The following PTPRN2 variants were observed in gnomAD, a reference collection of about 807,000 sequenced individuals.
PTPRN2 encodes protein tyrosine phosphatase receptor type N2, also known as receptor-type tyrosine-protein phosphatase N2.
Under a neutral mutation model 118.8 loss-of-function variants are expected in PTPRN2, and 74 were observed. The ratio of observed to expected loss-of-function variants is 0.62; its 90% CI spans 0.52 to 0.76. The LOEUF (loss-of-function observed/expected upper bound fraction) is 0.76, where lower values mean the gene tolerates loss of function less well. PTPRN2 is among the 30% of genes least tolerant of loss of function. The pLI is 0.00. For missense variants in PTPRN2, 1,481 were observed against 1,394.4 expected (o/e 1.06, Z -0.99); for synonymous variants, 641 against 608.0 (o/e 1.05, Z -0.80).
intron 3 of PTPRN2, among the ~76,000 whole-genome samples, chr7:158,258,320 C>T (rs983755663): frequency 4.6e-5 from 7 of 152,248 alleles, no homozygotes; most frequent in South Asian, 2.1e-4. Context: ...CTGCCCTGCG[C>T]GACTGGCGTG....
chr7:158,182,163 G>T (rs949070765), intron 5 of PTPRN2, among the ~76,000 whole-genome samples: 1 of 152,074 alleles, frequency 6.6e-6, no homozygotes, highest in Non-Finnish European at 1.5e-5. Flanking sequence ...TGATTTTACT[G>T]TTAACCCAAA....
chr7:158,133,643 G>T, intron 9 of PTPRN2, 34 bp downstream of exon 9: 1 of 1,524,416 alleles, frequency 6.6e-7, no homozygotes, highest in Non-Finnish European at 8.8e-7. Flanking sequence ...GCCCTCCCTC[G>T]GCACACAGGA....
At chr7:158,464,616 C>T (rs1357585966) in intron 2 of PTPRN2, among the ~76,000 whole-genome samples, 2 of 151,348 alleles carry the variant, frequency 1.3e-5, no homozygotes, top group African/African-American at 4.9e-5. Flanking sequence ...CATTGCCATG[C>T]CATTTAGTAA....
At chr7:157,756,590 G>A (rs1035285110) in intron 12 of PTPRN2, among the ~76,000 whole-genome samples, 2 of 152,138 alleles carry the variant, frequency 1.3e-5, no homozygotes, top group African/African-American at 4.8e-5. Context: ...ACCTTCTAAA[G>A]CTCAGCCTCC....
At chr7:158,147,920 C>T (rs71544533) in intron 6 of PTPRN2, among the ~76,000 whole-genome samples, 63 of 120,744 alleles carry the variant, frequency 5.2e-4, no homozygotes, top group African/African-American at 2.0e-3. Context: ...CCCCATCTCA[C>T]GCCACGTGTC....
At chr7:158,366,024 TACAC>T (rs796557964) in intron 2 of PTPRN2, among the ~76,000 whole-genome samples, 2 of 113,076 alleles carry the variant, frequency 1.8e-5, no homozygotes, top group South Asian at 3.0e-4. Flanking sequence ...CGTGTGCAAA[TACAC>T]ACACACACAG....
At chr7:158,043,560 C>A (rs1473735790) in intron 11 of PTPRN2, among the ~76,000 whole-genome samples, 2 of 152,230 alleles carry the variant, frequency 1.3e-5, no homozygotes, top group African/African-American at 2.4e-5. Flanking sequence ...CAAGCTCCTG[C>A]AGGAGAGAAT....
At chr7:157,796,064 C>G (rs555096569) in intron 12 of PTPRN2, among the ~76,000 whole-genome samples, 48 of 152,224 alleles carry the variant, frequency 3.2e-4, no homozygotes, top group Non-Finnish European at 6.3e-4. Flanking sequence ...AATAAACACA[C>G]GCGTTCCAGG....
chr7:157,828,299 A>G (rs1339881638), intron 12 of PTPRN2, among the ~76,000 whole-genome samples: 1 of 152,094 alleles, frequency 6.6e-6, no homozygotes, highest in Non-Finnish European at 1.5e-5. Flanking sequence ...CTTGCTACAG[A>G]CTGTAGATGC....
chr7:157,756,539 G>T (rs1801792023), intron 12 of PTPRN2, among the ~76,000 whole-genome samples: 1 of 152,140 alleles, frequency 6.6e-6, no homozygotes. Flanking sequence ...GCCTCCCAAA[G>T]TGCTGGGATT....
intron 17 of PTPRN2, among the ~76,000 whole-genome samples, chr7:157,586,978 T>C (rs956175094): frequency 3.3e-5 from 5 of 152,178 alleles, no homozygotes; most frequent in African/African-American, 1.2e-4. Context: ...GAGGTTTGGT[T>C]GCTGGTGGTG....
intron 10 of PTPRN2, among the ~76,000 whole-genome samples, chr7:158,087,708 AG>A (rs1329593588): frequency 1.6e-5 from 2 of 124,564 alleles, no homozygotes; most frequent in African/African-American, 5.8e-5. Flanking sequence ...CTGATGAAGG[AG>A]GGAGTCTTCA....
At chr7:158,340,314 A>T (rs1305866722) in intron 2 of PTPRN2, among the ~76,000 whole-genome samples, 1 of 85,916 alleles carries the variant, frequency 1.2e-5, no homozygotes, top group Admixed American at 1.2e-4. Context: ...GCTGACACCC[A>T]CAGACATCAC....
At position 157,587,969 on chromosome 7, in the gene PTPRN2, C is replaced by T. The variant is rs1800771697; in HGVS notation, c.2496+7269G>A. Among the ~76,000 whole-genome samples, 2 of 150,290 alleles carry T rather than the reference C, an allele frequency of 1.3e-5. No homozygotes were observed. The highest frequency in any genetic ancestry group is 3.0e-5 in the Non-Finnish European group (2 of 67,412). On this transcript the variant is annotated intron_variant, in intron 17 of 22. Transcript: ENST00000389418. The surrounding 1 kb of genome is among the most constrained non-coding windows in gnomAD (Gnocchi z 5.3). The stretch of plus-strand genomic sequence containing the variant: ...GGCTCCCGCGGTGGCTGTCCCCGTG[C>T]CTGGGCTCCCGCGGTGGCTGTCCCC...
intron 17 of PTPRN2, among the ~76,000 whole-genome samples, chr7:157,593,569 C>T (rs542292540): frequency 5.9e-5 from 9 of 152,334 alleles, no homozygotes; most frequent in East Asian, 1.9e-4. Context: ...ATTCTCTGCC[C>T]GCCCTCCAAT....
chr7:158,395,771 G>C (rs1212365596), intron 2 of PTPRN2, among the ~76,000 whole-genome samples: 2 of 123,526 alleles, frequency 1.6e-5, no homozygotes, highest in East Asian at 5.3e-4. Flanking sequence ...AGGGGCGAGG[G>C]GTGAGGCGCG....
chr7:158,215,070 G>A (rs921396120), intron 3 of PTPRN2, among the ~76,000 whole-genome samples: 1 of 152,192 alleles, frequency 6.6e-6, no homozygotes. Flanking sequence ...AAAATTGCCT[G>A]AGAAAGATTT....
chr7:158,342,733 C>T (rs1036018283), intron 2 of PTPRN2, among the ~76,000 whole-genome samples: 23 of 152,132 alleles, frequency 1.5e-4, no homozygotes, highest in African/African-American at 5.6e-4. Context: ...AGGTTGGGTG[C>T]CTTGCTGGAG....
intron 21 of PTPRN2, among the ~76,000 whole-genome samples, chr7:157,558,541 A>G (rs969629125): frequency 6.6e-6 from 1 of 152,374 alleles, no homozygotes. Flanking sequence ...CAGGTGGAGG[A>G]GAACAGGAGC....
Sources: allele counts gnomAD v4.1 joint callset (sites outside exome capture counted in the v4.1 genomes callset), GRCh38; gene constraint gnomAD v4.1.1; non-coding constraint Gnocchi (gnomAD v3.1); transcripts MANE v1.5; gene names NCBI Gene and HGNC (gene_info 2026-07-23, HGNC 2026-07-21).